Variants in RHOT1 observed in about 807,000 individuals in gnomAD.
The protein encoded by RHOT1 is ras homolog family member T1, also known as mitochondrial Rho GTPase 1.
Under a neutral mutation model 95.3 loss-of-function variants are expected in RHOT1, and 27 were observed. The ratio of observed to expected loss-of-function variants is 0.28; its 90% confidence interval spans 0.21 to 0.39. The LOEUF is 0.39. Ranked by LOEUF, RHOT1 falls within the 10% of genes least tolerant of loss-of-function variation. The pLI is 1.00. For missense variants in RHOT1, 578 were observed against 786.7 expected (o/e 0.73, Z 3.17); for synonymous variants, 227 against 263.5 (o/e 0.86, Z 1.34).
At chr17:32,209,463 T>C (rs911553221) in intron 18 of RHOT1, 4 of 1,387,654 alleles carry the variant, frequency 2.9e-6, no homozygotes, top group Admixed American at 3.4e-5. Flanking sequence ...ACTTTTTCTT[T>C]ATGACTTCTG....
At position 32,172,700 on chromosome 17, in the gene RHOT1, G is replaced by A. The variant is rs552192063; in HGVS notation, c.97-1131G>A. Among the ~76,000 whole-genome samples, 7 of 152,254 alleles carry A rather than the reference G, an allele frequency of 4.6e-5. No homozygotes were observed. The South Asian group carries it at 8.3e-4, about 18-fold the overall frequency. On this transcript the variant is annotated intron_variant, in intron 2 of 19. Transcript: ENST00000545287. ...TACAAAATTAGCCAGGTATGGTGGC[G>A]CATGCCTGTAATCCCAGCTACCTGG...
chr17:32,178,591 C>T (rs1020392795), intron 6 of RHOT1, among the ~76,000 whole-genome samples: 49 of 152,238 alleles, frequency 3.2e-4, no homozygotes, highest in African/African-American at 1.2e-3. Context: ...GCTAAGATTA[C>T]AGCCTCTGCC....
intron 19 of RHOT1, among the ~76,000 whole-genome samples, chr17:32,218,651 C>T (rs1357981571): frequency 6.6e-6 from 1 of 151,268 alleles, no homozygotes; most frequent in African/African-American, 2.4e-5. Context: ...CCCATCTCTA[C>T]AAAAAATCAT....
intron 6 of RHOT1, among the ~76,000 whole-genome samples, chr17:32,182,335 A>G (rs1421114600): frequency 6.6e-6 from 1 of 151,800 alleles, no homozygotes; most frequent in Non-Finnish European, 1.5e-5. Flanking sequence ...ATTTTTTTTT[A>G]ATTTGCTGGA....
chr17:32,183,035 A>G, intron 7 of RHOT1, 136 bp from the exon 8 acceptor site: 2 of 755,410 alleles, frequency 2.6e-6, no homozygotes, highest in Non-Finnish European at 2.1e-6. Flanking sequence ...CTTTCTAGAC[A>G]TTCATGTTGT....
chr17:32,166,210 GTTC>G (rs2034071740), intron 1 of RHOT1, among the ~76,000 whole-genome samples: 1 of 150,186 alleles, frequency 6.7e-6, no homozygotes, highest in African/African-American at 2.5e-5. Context: ...AAAAAGTTAT[GTTC>G]ATACTATACT....
At chr17:32,177,012 A>G (rs538801898) in intron 6 of RHOT1, among the ~76,000 whole-genome samples, 5 of 152,302 alleles carry the variant, frequency 3.3e-5, no homozygotes, top group Middle Eastern at 3.4e-3. Context: ...ACATATGACT[A>G]TGGTCATTAA....
chr17:32,176,538 TCA>T (rs1306205709), intron 6 of RHOT1, among the ~76,000 whole-genome samples: 1 of 148,016 alleles, frequency 6.8e-6, no homozygotes, highest in African/African-American at 2.5e-5. Context: ...TTGAAAAGTC[TCA>T]GTTTTATTTA....
intron 8 of RHOT1, among the ~76,000 whole-genome samples, chr17:32,183,880 T>G (rs1172400505): frequency 1.3e-5 from 2 of 152,118 alleles, no homozygotes. Flanking sequence ...GAGACAGGGT[T>G]TCACCATATT....
Position 32,222,573 on chromosome 17 carries a change from AT to A in RHOT1, c.1863-2033del, listed in dbSNP as rs137958570. Among the ~76,000 whole-genome samples the A allele has an allele frequency of 1.5e-4, 22 of 150,280 alleles. 1 individual carries two copies. In the East Asian group the frequency reaches 1.7e-3, roughly 12 times the overall value. The stretch of plus-strand genomic sequence containing the variant: ...TTGTTAACAGAGTACATACAGATAG[AT>A]TTTTTTTTTAAGTTTGGCAATTTGC... On this transcript the variant is annotated intron_variant, in intron 19 of 19. Coordinates refer to ENST00000545287, the MANE Select transcript of RHOT1 (RefSeq NM_001033566.3).
In RHOT1 at chr17:32,171,119, C is replaced by T; in HGVS notation, c.96+18C>T. ...CAGAAGAGGTAAACATTTTGATTTC[C>T]ATATTTAAATTTTAAAAAATTTATC... On this transcript the variant is annotated intron_variant, in intron 2 of 19. Transcript: ENST00000545287. The T allele has an allele frequency of 3.3e-6, 5 of 1,526,504 alleles. No individual in the cohort carries two copies. The highest frequency in any genetic ancestry group is 4.5e-6 in the Non-Finnish European group (5 of 1,115,452). The allele number at this position is 1,526,504 out of a possible 1,614,324, so 94.6% of individuals were successfully genotyped here.
chr17:32,203,269 C>CTTCTTT (rs1485362280), intron 15 of RHOT1, among the ~76,000 whole-genome samples: 37 of 72,342 alleles, frequency 5.1e-4, no homozygotes, highest in African/African-American at 2.1e-3. Context: ...TCTTCTTCTT[C>CTTCTTT]TTTTTTTTTT....
chr17:32,194,891 C>T (rs1246434147), intron 11 of RHOT1, among the ~76,000 whole-genome samples: 1 of 148,774 alleles, frequency 6.7e-6, no homozygotes, highest in Non-Finnish European at 1.5e-5. Context: ...TGCAGTGTCA[C>T]GATCTTGGCT....
At chr17:32,148,573 C>T (rs2031742052) in intron 1 of RHOT1, among the ~76,000 whole-genome samples, 3 of 152,082 alleles carry the variant, frequency 2.0e-5, no homozygotes, top group African/African-American at 7.2e-5. Flanking sequence ...TGCATGTGGG[C>T]AATGAAATTG....
chr17:32,196,376 G>A (rs2036889233), intron 11 of RHOT1, among the ~76,000 whole-genome samples: 1 of 152,164 alleles, frequency 6.6e-6, no homozygotes, highest in South Asian at 2.1e-4. Flanking sequence ...ATTTTTTGTA[G>A]AGATGAGGTC....
chr17:32,197,455 C>T (rs190236447), intron 11 of RHOT1, among the ~76,000 whole-genome samples: 2,017 of 150,850 alleles, frequency 0.013, 43 homozygotes, highest in African/African-American at 0.047. Context: ...GATGGAGTCT[C>T]GCTCTGTCGC....
intron 11 of RHOT1, among the ~76,000 whole-genome samples, chr17:32,197,592 A>AT (rs1404846757): frequency 2.7e-5 from 4 of 150,176 alleles, no homozygotes; most frequent in Non-Finnish European, 3.0e-5. Flanking sequence ...CACCCAGCTA[A>AT]TTTTTTTTTG....
intron 1 of RHOT1, chr17:32,143,237 C>T (rs2030708390): frequency 5.3e-6 from 2 of 379,846 alleles, no homozygotes; most frequent in East Asian, 7.2e-5. Context: ...AACTATTCGA[C>T]TTGTGGGCAA....
intron 6 of RHOT1, among the ~76,000 whole-genome samples, chr17:32,181,581 C>T (rs1025094320): frequency 3.3e-5 from 5 of 152,226 alleles, no homozygotes; most frequent in African/African-American, 1.2e-4. Context: ...AAAAATGTAA[C>T]ATATACTGAG....
Sources: allele counts gnomAD v4.1 joint callset (sites outside exome capture counted in the v4.1 genomes callset), GRCh38; gene constraint gnomAD v4.1.1; transcripts MANE v1.5; gene names NCBI Gene and HGNC (gene_info 2026-07-23, HGNC 2026-07-21).